STK10: variants seen among roughly 807,000 people sequenced by gnomAD.
STK10 encodes serine/threonine-protein kinase 10.
A neutral mutation model predicts 113.8 loss-of-function variants in STK10; 78 were observed. The observed-to-expected ratio is 0.69, with a 90% confidence interval of 0.57 to 0.83. The LOEUF (loss-of-function observed/expected upper bound fraction) is 0.83, where lower values mean the gene tolerates loss of function less well. STK10 is among the 40% of genes least tolerant of loss of function. The pLI is 0.00. For synonymous variants in STK10, 465 were observed against 494.7 expected (o/e 0.94, Z 0.80); for missense variants, 1,109 against 1,280.1 (o/e 0.87, Z 2.04).
intron 10 of STK10, among the ~76,000 whole-genome samples, chr5:172,087,524 C>T (rs1225075156): frequency 1.3e-5 from 2 of 152,152 alleles, no homozygotes; most frequent in Non-Finnish European, 2.9e-5. Flanking sequence ...ATCCACTCGC[C>T]TAGGCCTCCC....
At chr5:172,174,984 G>A (rs1770733899) in intron 1 of STK10, among the ~76,000 whole-genome samples, 1 of 152,148 alleles carries the variant, frequency 6.6e-6, no homozygotes. Flanking sequence ...TTCTGGCTCT[G>A]GTATAGCCTG....
chr5:172,062,230 G>A (rs931903198), intron 13 of STK10, among the ~76,000 whole-genome samples: 3 of 151,698 alleles, frequency 2.0e-5, no homozygotes, highest in Admixed American at 6.6e-5. Context: ...CACCCGCCTC[G>A]GCCTCCCTAT....
At chr5:172,064,575 G>A in intron 13 of STK10, 145 bp downstream of exon 13, 1 of 752,844 alleles carries the variant, frequency 1.3e-6, no homozygotes, top group East Asian at 2.6e-5. Context: ...GGGGATAATG[G>A]GGCCATGAAG....
chr5:172,056,593 C>T (rs1041374667), intron 15 of STK10, among the ~76,000 whole-genome samples: 4 of 152,114 alleles, frequency 2.6e-5, no homozygotes, highest in South Asian at 2.1e-4. Flanking sequence ...ACCGGGCAGG[C>T]ACAGTGGCTC....
In STK10 at chr5:172,044,787, A is replaced by T. The variant is rs779726003; in HGVS notation, c.*95T>A. 6 of 1,597,520 alleles carry T rather than the reference A, an allele frequency of 3.8e-6. No individual in the cohort carries two copies. The highest frequency in any genetic ancestry group is 4.3e-6 in the Non-Finnish European group (5 of 1,171,466). ...GCTGGATTTGAGCTGGCACAGACGC[A>T]AGAGGGAAAAGGGGTCCTGAGTTAC... On this transcript the variant is annotated 3_prime_UTR_variant, in exon 19 of 19. Coordinates refer to ENST00000176763, the MANE Select transcript of STK10 (RefSeq NM_005990.4). This position sits in a 1 kb window ranked among gnomAD's most constrained non-coding sequence, Gnocchi z 4.5.
At chr5:172,101,012 T>C (rs1195257828) in intron 7 of STK10, among the ~76,000 whole-genome samples, 2 of 152,182 alleles carry the variant, frequency 1.3e-5, no homozygotes, top group East Asian at 1.9e-4. Flanking sequence ...TTGTGCCAGC[T>C]ACTTCACTGC....
chr5:172,089,393 C>CATGGATGGATGGATGGATGGATGG (rs5873300), intron 10 of STK10, among the ~76,000 whole-genome samples: 4 of 132,918 alleles, frequency 3.0e-5, no homozygotes, highest in Non-Finnish European at 1.6e-5. Context: ...TTGGTGGATA[C>CATGGATGGATGGATGGATGGATGG]ATGGATGGAT....
intron 12 of STK10, among the ~76,000 whole-genome samples, chr5:172,072,254 A>C (rs1158341636): frequency 6.7e-6 from 1 of 149,330 alleles, no homozygotes; most frequent in African/African-American, 2.5e-5. Flanking sequence ...AGACTTAAAA[A>C]ATTTTTTTTC....
chr5:172,081,528 C>T lies in STK10; in HGVS notation c.1989+798G>A, dbSNP rs532104623. ...TATGGAACCAAACCCACAGTATCTC[C>T]GAGGTATATCTGTGCCTAAGGTGAC... is the stretch of plus-strand genomic sequence containing the variant. On this transcript the variant is annotated intron_variant, in intron 12 of 18. Coordinates refer to ENST00000176763, the MANE Select transcript of STK10 (RefSeq NM_005990.4). 5.9e-5 allele frequency among the ~76,000 whole-genome samples: 9 copies of T among 152,206 alleles called. No homozygotes were observed. The South Asian group carries it at 1.5e-3, about 25-fold the overall frequency.
chr5:172,107,807 C>A lies in STK10; in HGVS notation c.566G>T (p.Arg189Leu). ...SAKNLKTLQKRDSFIGTPYWM... is the reference protein window; with the variant it reads ...SAKNLKTLQKLDSFIGTPYWM... ...GTAAGGCGTGCCGATGAAGGAATCT[C>A]GTTTCTGTAGAGTCTTCAGATTCTT... Residue 189 changes from arginine (R) to leucine (L), a missense_variant, in exon 5 of 19, where the codon CGA (arginine) becomes CTA (leucine). By Grantham distance (102) the Arg-to-Leu change is moderately radical. This residue lies in a region of STK10 where 44 missense variants were observed against 84.4 expected (regional missense o/e 0.52). Transcript: ENST00000176763. 1.9e-6 allele frequency: 3 copies of A among 1,614,178 alleles called. No individual in the cohort carries two copies. The highest frequency in any genetic ancestry group is 2.5e-6 in the Non-Finnish European group (3 of 1,180,036).
intron 7 of STK10, among the ~76,000 whole-genome samples, chr5:172,105,104 C>A (rs78563317): frequency 0.018 from 2,694 of 152,114 alleles, 76 homozygotes; most frequent in African/African-American, 0.061. Context: ...TTGGGACAGA[C>A]GCCCCAGTGC....
intron 12 of STK10, among the ~76,000 whole-genome samples, chr5:172,072,226 T>C (rs1043893392): frequency 6.6e-6 from 1 of 152,196 alleles, no homozygotes; most frequent in African/African-American, 2.4e-5. Flanking sequence ...TGAAATTGAT[T>C]GGCATACTAG....
At chr5:172,136,865 G>A (rs904531612) in intron 2 of STK10, among the ~76,000 whole-genome samples, 8 of 150,404 alleles carry the variant, frequency 5.3e-5, no homozygotes, top group East Asian at 1.9e-4. Context: ...TGGGATACAC[G>A]TGCAGAACAT....
At position 172,044,865 on chromosome 5, in the gene STK10, AC is replaced by A; in HGVS notation, c.*16del. 6.2e-7 allele frequency: 1 copy of A among 1,614,146 alleles called. No individual in the cohort carries two copies. The highest frequency in any genetic ancestry group is 8.5e-7 in the Non-Finnish European group (1 of 1,180,032). The stretch of plus-strand genomic sequence containing the variant: ...CCTGGGGCCCACCAAGCTGCCAGCC[AC>A]AGCCCCGGGCGGTTGTTAAGAAGCA... On this transcript the variant is annotated 3_prime_UTR_variant, in exon 19 of 19. Transcript: ENST00000176763. This position sits in a 1 kb window ranked among gnomAD's most constrained non-coding sequence, Gnocchi z 4.5.
At position 172,087,450 on chromosome 5, in the gene STK10, GT is replaced by G. The variant is rs1768592939; in HGVS notation, c.1685+2781del. On this transcript the variant is annotated intron_variant, in intron 10 of 18. Transcript: ENST00000176763. ...CCACCACAGCTGGCTAATTTTTGTA[GT>G]TTTAGTAGAGACCAGGTTTTGCCAT... Among the ~76,000 whole-genome samples, 3 of 150,890 alleles carry G rather than the reference GT, an allele frequency of 2.0e-5. No individual in the cohort carries two copies. The South Asian group carries it at 6.3e-4, about 32-fold the overall frequency.
chr5:172,112,314 T>TAC lies in STK10; in HGVS notation c.521-4464_521-4463dup, dbSNP rs770084353. On this transcript the variant is annotated intron_variant, in intron 4 of 18. Coordinates refer to ENST00000176763, the MANE Select transcript of STK10 (RefSeq NM_005990.4). ...GTGTACATGTCTGCACGCATGTGCA[T>TAC]ACACACACACACACACCGGTCTGGA... Among the ~76,000 whole-genome samples, 55 of 150,808 alleles carry TAC rather than the reference T, an allele frequency of 3.6e-4. 1 individual carries two copies. Among genetic ancestry groups the TAC allele is most frequent in the African/African-American group, 8.3e-4 (34 of 41,152 alleles).
chr5:172,166,988 C>T (rs1012646952), intron 1 of STK10, among the ~76,000 whole-genome samples: 13 of 151,846 alleles, frequency 8.6e-5, no homozygotes, highest in South Asian at 8.3e-4. Context: ...AGTGAAACCC[C>T]GTCTCTACTA....
At chr5:172,185,519 A>G (rs1770939775) in intron 1 of STK10, among the ~76,000 whole-genome samples, 1 of 151,992 alleles carries the variant, frequency 6.6e-6, no homozygotes, top group Non-Finnish European at 1.5e-5. Flanking sequence ...TGCCTGCTTC[A>G]GCCTCCCAAA....
At chr5:172,106,455 G>T (rs1245096529) in intron 6 of STK10, among the ~76,000 whole-genome samples, 165 bp downstream of exon 6, 2 of 140,282 alleles carry the variant, frequency 1.4e-5, no homozygotes, top group African/African-American at 2.5e-5. Context: ...AAGGGCCCGG[G>T]GGGGCTCAGA....
Sources: allele counts gnomAD v4.1 joint callset (sites outside exome capture counted in the v4.1 genomes callset), GRCh38; gene constraint gnomAD v4.1.1; regional missense constraint gnomAD v4.1.1; non-coding constraint Gnocchi (gnomAD v3.1); transcripts MANE v1.5; gene names NCBI Gene and HGNC (gene_info 2026-07-23, HGNC 2026-07-21).